CEP85: variants seen among roughly 807,000 people sequenced by gnomAD.
CEP85 encodes centrosomal protein 85.
CEP85 carries 58 observed loss-of-function variants against 93.7 expected under a neutral mutation model. The observed-to-expected ratio is 0.62, with a 90% CI of 0.50 to 0.77. The LOEUF is 0.77. Among genes scored for constraint, CEP85 ranks in the 30% least tolerant of loss-of-function variants. The probability of loss-of-function intolerance (pLI) is 0.00; values close to 1 mark genes in which losing one functional copy is unlikely to be tolerated. For synonymous variants in CEP85, 314 were observed against 338.6 expected (o/e 0.93, Z 0.80); for missense variants, 868 against 922.0 (o/e 0.94, Z 0.76).
chr1:26,275,608 T>C (rs936344964), intron 12 of CEP85, among the ~76,000 whole-genome samples: 6 of 152,124 alleles, frequency 3.9e-5, no homozygotes, highest in African/African-American at 1.4e-4. Flanking sequence ...GGAAAGTCAT[T>C]CTCTCTTCCT....
At chr1:26,274,921 T>C (rs1325474174) in intron 11 of CEP85, 43 bp from the exon 12 acceptor site, 3 of 1,483,228 alleles carry the variant, frequency 2.0e-6, no homozygotes, top group Admixed American at 4.0e-5. Flanking sequence ...ACCAGACTTG[T>C]TACCCCTACT....
At chr1:26,249,226 C>T (rs955986476) in intron 3 of CEP85, among the ~76,000 whole-genome samples, 10 of 152,182 alleles carry the variant, frequency 6.6e-5, no homozygotes, top group Non-Finnish European at 1.3e-4. Context: ...GGATTACAGG[C>T]GTGTGCCACC....
At chr1:26,261,684 C>G (rs149649252) in intron 7 of CEP85, among the ~76,000 whole-genome samples, 48 of 149,718 alleles carry the variant, frequency 3.2e-4, no homozygotes, top group African/African-American at 1.2e-3. Flanking sequence ...TGCTTGAGCT[C>G]AGGAGTTTAA....
intron 10 of CEP85, 42 bp from the exon 11 acceptor site, chr1:26,271,979 A>G (rs763645960): frequency 6.2e-7 from 1 of 1,603,812 alleles, no homozygotes; most frequent in Admixed American, 1.7e-5. Flanking sequence ...CCTCACCGTC[A>G]GCCTTGTGCT....
chr1:26,244,552 G>C (rs2089480420), intron 3 of CEP85, among the ~76,000 whole-genome samples: 1 of 151,960 alleles, frequency 6.6e-6, no homozygotes, highest in African/African-American at 2.4e-5. Context: ...GGGGAGACAG[G>C]GTCTCACTCT....
At chr1:26,269,681 T>C in intron 9 of CEP85, 67 bp downstream of exon 9, 1 of 1,305,258 alleles carries the variant, frequency 7.7e-7, no homozygotes. Flanking sequence ...TCCTGCTCAC[T>C]TACCTGTGTG....
At chr1:26,240,024 A>G (rs756082632) in intron 2 of CEP85, among the ~76,000 whole-genome samples, 186 bp downstream of exon 2, 3 of 152,224 alleles carry the variant, frequency 2.0e-5, no homozygotes, top group African/African-American at 4.8e-5. Context: ...CTCTTGTGCT[A>G]TGTGGCTTTC....
chr1:26,270,250 G>C (rs1015582689), intron 9 of CEP85, among the ~76,000 whole-genome samples: 3 of 152,164 alleles, frequency 2.0e-5, no homozygotes, highest in African/African-American at 7.2e-5. Context: ...TTTCAAAAGT[G>C]GGTACTGGTG....
At chr1:26,247,664 AG>A (rs1455061614) in intron 3 of CEP85, among the ~76,000 whole-genome samples, 1 of 152,212 alleles carries the variant, frequency 6.6e-6, no homozygotes, top group East Asian at 1.9e-4. Flanking sequence ...TTATAAAGAT[AG>A]GGTCTCTTTT....
intron 12 of CEP85, among the ~76,000 whole-genome samples, chr1:26,275,526 A>G (rs1189467797): frequency 1.4e-4 from 21 of 152,246 alleles, no homozygotes; most frequent in African/African-American, 5.1e-4. Context: ...TGATCCGCCC[A>G]CTTTGGCCTC....
At chr1:26,248,722 CTTTTTTTTTT>C (rs573449499) in intron 3 of CEP85, among the ~76,000 whole-genome samples, 3 of 56,194 alleles carry the variant, frequency 5.3e-5, no homozygotes, top group East Asian at 4.9e-4. Flanking sequence ...GTCTTGAACT[CTTTTTTTTTT>C]TTTTTTTTTT....
Position 26,269,584 on chromosome 1 carries a change from G to A in CEP85, c.1619G>A (p.Arg540Lys), listed in dbSNP as rs768215424. The A allele has an allele frequency of 1.2e-6, 2 of 1,614,106 alleles. No individual in the cohort carries two copies. The highest frequency in any genetic ancestry group is 1.7e-6 in the Non-Finnish European group (2 of 1,179,992). ...KEIQLESLRQ[R>K]EAEFSSAGHS... ...ATTCAACTGGAAAGCCTGAGGCAGA[G>A]AGAAGCAGAATTCTCCTCCGCTGGA... Residue 540 changes from arginine to lysine, a missense_variant, in exon 9 of 14, where the codon AGA (arginine) becomes AAA (lysine). Physicochemically the swap from Arg to Lys is conservative, Grantham distance 26. Transcript: ENST00000451429.
intron 2 of CEP85, among the ~76,000 whole-genome samples, chr1:26,241,719 A>ATAAT (rs2089429715): frequency 6.6e-6 from 1 of 151,730 alleles, no homozygotes; most frequent in Non-Finnish European, 1.5e-5. Flanking sequence ...ATTGATAAGG[A>ATAAT]TGCTACTGAT....
chr1:26,270,015 A>T (rs902207564), intron 9 of CEP85, among the ~76,000 whole-genome samples: 11 of 151,896 alleles, frequency 7.2e-5, no homozygotes, highest in Non-Finnish European at 1.2e-4. Context: ...TGACCTCGTG[A>T]TCCACCCTCC....
At position 26,276,474 on chromosome 1, in the gene CEP85, GCA is replaced by G. The variant is rs1050790531; in HGVS notation, c.1903-58_1903-57del. On this transcript the variant is annotated intron_variant, in intron 12 of 13. Coordinates refer to ENST00000451429, the MANE Select transcript of CEP85 (RefSeq NM_001319944.2). ...ATCCCTTCCACACCCACACACTCAT[GCA>G]CAGATACTCTTCCTCTCCCTGGGCC... 20 of 1,347,610 alleles carry G rather than the reference GCA, an allele frequency of 1.5e-5. No individual in the cohort carries two copies. In the African/African-American group the frequency reaches 2.6e-4, roughly 17 times the overall value. 83.5% of individuals were successfully genotyped at this position (1,347,610 alleles called of 1,614,324 possible). A position where few individuals can be genotyped will look rare whatever the true frequency, so the allele number is the denominator to read the frequency against.
rs1286309894 is a variant in CEP85 at position 26,277,266 on chromosome 1, C to A, written c.2259C>A (p.Asp753Glu). ...RTTMSDRYAQ[D>E]MGENCVTQ Reference sequence around the variant, plus strand: ...CCATGTCAGACAGATATGCCCAGGACATGGGAGAAAACTGTGTCACACAGT... The same window carrying A: ...CCATGTCAGACAGATATGCCCAGGAAATGGGAGAAAACTGTGTCACACAGT... The change falls in exon 14 of 14, where the codon GAC becomes GAA. Residue 753 changes from aspartate (D) to glutamate (E), a missense_variant. Physicochemically the swap from Asp to Glu is conservative, Grantham distance 45. Transcript: ENST00000451429. 6.2e-7 allele frequency: 1 copy of A among 1,613,830 alleles called. No homozygotes were observed.
rs1373455336 is a variant in CEP85 at position 26,239,837 on chromosome 1, G to A, written c.54G>A (p.Pro18=). 4 of 1,610,608 alleles carry A rather than the reference G, an allele frequency of 2.5e-6. No homozygotes were observed. Among genetic ancestry groups the A allele is most frequent in the Admixed American group, 1.7e-5 (1 of 59,980 alleles). ...AGGGGATCTCTCACGTCACTTCACC[G>A]AGTGAGTAGTCAGAAGTTTTCTGGG... ...PTEGISHVTS[P]SSDVIQKGSS... Residue 18 remains proline, a splice_region_variant and synonymous_variant, in exon 2 of 14, where the codon CCG becomes CCA. Coordinates refer to ENST00000451429, the MANE Select transcript of CEP85 (RefSeq NM_001319944.2).
intron 3 of CEP85, among the ~76,000 whole-genome samples, chr1:26,246,678 G>T (rs998701700): frequency 1.1e-4 from 17 of 151,378 alleles, no homozygotes; most frequent in Non-Finnish European, 1.0e-4. Context: ...GCAGTGAGGT[G>T]AGATCGTGCC....
At chr1:26,276,184 T>C (rs2090050351) in intron 12 of CEP85, among the ~76,000 whole-genome samples, 1 of 152,230 alleles carries the variant, frequency 6.6e-6, no homozygotes, top group African/African-American at 2.4e-5. Context: ...CCTTCTCTAA[T>C]AGCCTGGCTA....
Sources: gnomAD v4.1 joint callset for allele counts (sites outside exome capture counted in the v4.1 genomes callset) on GRCh38, gnomAD v4.1.1 for gene constraint, MANE v1.5 for transcripts, NCBI Gene and HGNC (gene_info 2026-07-23, HGNC 2026-07-21) for gene names.